MED13: variants seen among roughly 807,000 people sequenced by gnomAD.
MED13 encodes the protein mediator of RNA polymerase II transcription subunit 13.
In MED13, 23 loss-of-function variants were observed where a neutral mutation model predicts 225.2. That is an observed-to-expected ratio of 0.10 (90% CI 0.07 to 0.14). The LOEUF (loss-of-function observed/expected upper bound fraction) is 0.14, where lower values mean the gene tolerates loss of function less well. Ranked by LOEUF, MED13 falls within the 10% of genes least tolerant of loss-of-function variation. The pLI is 1.00. For synonymous variants in MED13, 942 were observed against 889.2 expected, an observed-to-expected ratio of 1.06 and a Z score of -1.06; for missense variants, 2,197 against 2,594.5, an observed-to-expected ratio of 0.85 and a Z score of 3.33.
intron 26 of MED13, among the ~76,000 whole-genome samples, chr17:61,953,980 G>A (rs2079918773): frequency 6.6e-6 from 1 of 152,124 alleles, no homozygotes; most frequent in South Asian, 2.1e-4. Context: ...GGTACAGTAA[G>A]AGATTAACAA....
rs188071185 is a variant in MED13 at position 61,960,817 on chromosome 17, C to T, written c.5480+50G>A. 211 of 1,317,728 alleles carry T rather than the reference C, an allele frequency of 1.6e-4. 2 individuals carry two copies. In the East Asian group the frequency reaches 5.0e-3, roughly 31 times the overall value. 81.6% of individuals were successfully genotyped at this position (1,317,728 alleles called of 1,614,324 possible). On this transcript the variant is annotated intron_variant, in intron 23 of 29. Transcript: ENST00000397786. Reference sequence around the variant, plus strand: ...GGTTTTCTATTCATTAAAAATGAAACAAAATGTTACAAATGGAATGATATG... The same window carrying T: ...GGTTTTCTATTCATTAAAAATGAAATAAAATGTTACAAATGGAATGATATG...
chr17:61,981,470 C>T (rs1433615305), intron 16 of MED13, among the ~76,000 whole-genome samples: 1 of 150,600 alleles, frequency 6.6e-6, no homozygotes, highest in Non-Finnish European at 1.5e-5. Context: ...TGGCTACCTC[C>T]TAAATTTCAT....
chr17:62,057,606 C>A (rs534131625), intron 2 of MED13, among the ~76,000 whole-genome samples: 2 of 152,228 alleles, frequency 1.3e-5, no homozygotes, highest in African/African-American at 4.8e-5. Context: ...ATCTATCTGT[C>A]AATCCTATTA....
Position 62,065,192 on chromosome 17 carries a change from A to G in MED13, c.14T>C (p.Phe5Ser). The G allele has an allele frequency of 2.5e-6, 4 of 1,578,110 alleles. No individual in the cohort carries two copies. Among genetic ancestry groups the G allele is most frequent in the Non-Finnish European group, 3.4e-6 (4 of 1,163,628 alleles). The stretch of plus-strand genomic sequence containing the variant: ...TTCCAGGCTGGCCCCGTTCGGCACG[A>G]AGGAGGCACTCATCGTCCCTCACAG... MSAS[F>S]VPNGASLEDC... The change falls in exon 1 of 30, where the codon TTC becomes TCC. Residue 5 changes from phenylalanine (F) to serine (S), a missense_variant. Transcript: ENST00000397786.
intron 20 of MED13, among the ~76,000 whole-genome samples, chr17:61,963,687 T>C (rs2080027734): frequency 1.3e-5 from 2 of 152,190 alleles, no homozygotes; most frequent in African/African-American, 4.8e-5. Flanking sequence ...GGTGATTTGA[T>C]TTTTTTACAC....
chr17:61,965,117 G>T lies in MED13; in HGVS notation c.4733C>A (p.Thr1578Lys). 1.2e-6 allele frequency: 2 copies of T among 1,614,194 alleles called. No homozygotes were observed. The highest frequency in any genetic ancestry group is 1.7e-6 in the Non-Finnish European group (2 of 1,180,030). The change falls in exon 20 of 30, where the codon ACA becomes AAA. Residue 1578 changes from threonine (T) to lysine (K), a missense_variant. Physicochemically the swap from Thr to Lys is moderately conservative, Grantham distance 78. Coordinates refer to ENST00000397786, the MANE Select transcript of MED13 (RefSeq NM_005121.3). ...AAGSMSTQANTVQSGQLGGQQ... is the reference protein window; with the variant it reads ...AAGSMSTQANKVQSGQLGGQQ... ...CCCTCCTAGCTGACCACTCTGAACT[G>T]TATTTGCTTGTGTAGACATGGATCC...
In MED13 at chr17:62,030,277, G is replaced by C. The variant is rs934338987; in HGVS notation, c.1010-264C>G. 7.2e-5 allele frequency: 23 copies of C among 320,208 alleles called. No homozygotes were observed. In the Admixed American group the frequency reaches 1.0e-3, roughly 14 times the overall value. The allele number at this position is 320,208 out of a possible 1,614,324, so 19.8% of individuals were successfully genotyped here. A position where few individuals can be genotyped will look rare whatever the true frequency, so the allele number is the denominator to read the frequency against. ...AGGCAGGGCCAGCACACGGTGGCGT[G>C]TCGGGGGAGGTGGGCTGAGGGCAAG... On this transcript the variant is annotated intron_variant, in intron 6 of 29. Coordinates refer to ENST00000397786, the MANE Select transcript of MED13 (RefSeq NM_005121.3).
intron 8 of MED13, among the ~76,000 whole-genome samples, chr17:62,016,803 G>A (rs1346932335): frequency 6.6e-6 from 1 of 152,148 alleles, no homozygotes; most frequent in Non-Finnish European, 1.5e-5. Flanking sequence ...GAGGTCGGGG[G>A]TTCTAGACCA....
intron 2 of MED13, among the ~76,000 whole-genome samples, chr17:62,053,723 A>G (rs1410767773): frequency 1.3e-5 from 2 of 152,206 alleles, no homozygotes; most frequent in Admixed American, 6.5e-5. Context: ...AATAAAAGAC[A>G]AACGTTTCTC....
At chr17:62,021,464 G>C (rs2080646204) in intron 8 of MED13, among the ~76,000 whole-genome samples, 2 of 151,376 alleles carry the variant, frequency 1.3e-5, no homozygotes, top group Non-Finnish European at 3.0e-5. Flanking sequence ...GCCGGGCAGA[G>C]GGGCTCCTCA....
rs201817037 is a variant in MED13, at chr17:62,052,604, T to C, written c.403A>G (p.Asn135Asp). 270 of 1,601,116 alleles carry C rather than the reference T, an allele frequency of 1.7e-4. No homozygotes were observed. The highest frequency in any genetic ancestry group is 2.3e-4 in the Non-Finnish European group (264 of 1,172,758). The change falls in exon 3 of 30, where the codon AAT becomes GAT. Residue 135 changes from asparagine to aspartate, a missense_variant. Transcript: ENST00000397786. ...NLLERCLMNR[N>D]FVRIGKWFVK... ...AACCACTTGCCAATACGTACAAAATTCCTGTTCATTAAACACCGTTCCAAT... is the reference window on the plus strand; with the variant it reads ...AACCACTTGCCAATACGTACAAAATCCCTGTTCATTAAACACCGTTCCAAT...
chr17:62,023,981 T>C (rs888954478), intron 8 of MED13, among the ~76,000 whole-genome samples: 3 of 152,160 alleles, frequency 2.0e-5, no homozygotes, highest in African/African-American at 7.2e-5. Flanking sequence ...ATTAAATCTC[T>C]ATATGCCTCT....
At chr17:62,009,226 T>C (rs117542895) in intron 9 of MED13, among the ~76,000 whole-genome samples, 2,066 of 152,230 alleles carry the variant, frequency 0.014, 20 homozygotes, top group Non-Finnish European at 0.019. Flanking sequence ...AATGTATTAA[T>C]AACAACATAG....
intron 11 of MED13, 79 bp downstream of exon 11, chr17:61,992,461 T>G: frequency 1.2e-6 from 1 of 828,944 alleles, no homozygotes; most frequent in Non-Finnish European, 2.0e-6. Context: ...AAAGGAACAT[T>G]AGAAGTCCAA....
At chr17:62,000,897 G>A (rs1284061996) in intron 9 of MED13, among the ~76,000 whole-genome samples, 2 of 151,944 alleles carry the variant, frequency 1.3e-5, no homozygotes, top group South Asian at 4.2e-4. Context: ...TGAATAGCTG[G>A]GATTACAGGC....
chr17:61,947,692 CT>C (rs2079862276), intron 28 of MED13, among the ~76,000 whole-genome samples: 1 of 152,196 alleles, frequency 6.6e-6, no homozygotes, highest in East Asian at 1.9e-4. Context: ...GCACAGATGC[CT>C]GCTTTGCCCA....
At chr17:62,011,454 C>G (rs74905978) in intron 8 of MED13, among the ~76,000 whole-genome samples, 1,859 of 152,194 alleles carry the variant, frequency 0.012, 36 homozygotes, top group Non-Finnish European at 0.017. Flanking sequence ...TTATCTCATG[C>G]TCATTTAATA....
Position 61,995,331 on chromosome 17 carries a change from A to C in MED13, c.2002T>G (p.Ser668Ala). Residue 668 changes from serine to alanine, a missense_variant, in exon 10 of 30, where the codon TCT becomes GCT. Coordinates refer to ENST00000397786, the MANE Select transcript of MED13 (RefSeq NM_005121.3). ...MVQCKKPLKV[S>A]DELVQQYQIK... ...TGATATTGCTGCACTAATTCATCAGAAACTTTTAAAGGTTTCTTACATTGC... is the reference window on the plus strand; with the variant it reads ...TGATATTGCTGCACTAATTCATCAGCAACTTTTAAAGGTTTCTTACATTGC... 1 of 1,612,948 alleles carries C rather than the reference A, an allele frequency of 6.2e-7. No individual in the cohort carries two copies. The highest frequency in any genetic ancestry group is 1.1e-5 in the South Asian group (1 of 90,690).
At chr17:62,060,478 G>A (rs1275725127) in intron 2 of MED13, among the ~76,000 whole-genome samples, 1 of 151,330 alleles carries the variant, frequency 6.6e-6, no homozygotes, top group Non-Finnish European at 1.5e-5. Context: ...AAATTAGCCG[G>A]GCGTGGTGGT....
Sources: gnomAD v4.1 joint callset for allele counts (sites outside exome capture counted in the v4.1 genomes callset) on GRCh38, gnomAD v4.1.1 for gene constraint, MANE v1.5 for transcripts, NCBI Gene and HGNC (gene_info 2026-07-23, HGNC 2026-07-21) for gene names.